The following DOP1A variants were observed in gnomAD, a reference collection of about 807,000 sequenced individuals.
DOP1A encodes the protein DOP1 leucine zipper like protein A.
Under a neutral mutation model 267.6 loss-of-function variants are expected in DOP1A, and 90 were observed. That is an observed-to-expected ratio of 0.34 (90% CI 0.28 to 0.40). DOP1A has a LOEUF of 0.40. Among genes scored for constraint, DOP1A ranks in the 10% least tolerant of loss-of-function variants. The pLI, the probability that DOP1A is intolerant of heterozygous loss-of-function variation, is 1.00. For missense variants in DOP1A, 2,437 were observed against 2,900.4 expected (o/e 0.84, Z 3.67); for synonymous variants, 932 against 999.1 (o/e 0.93, Z 1.27).
chr6:83,120,253 A>G (rs1776158138), intron 9 of DOP1A, among the ~76,000 whole-genome samples: 2 of 151,910 alleles, frequency 1.3e-5, no homozygotes, highest in African/African-American at 4.8e-5. Flanking sequence ...GAAATAGAAG[A>G]AAATACATGG....
chr6:83,138,987 C>G lies in DOP1A; in HGVS notation c.4945C>G (p.His1649Asp). ...MFLCAVIRAL[H>D]QHCACKMHPQ... is the part of the protein sequence containing the mutation. ...CCTCTGTGCAGTGATACGAGCTTTG[C>G]ATCAGCACTGTGCATGTAAGATGCA... Residue 1649 changes from histidine to aspartate, a missense_variant, in exon 21 of 39, where the codon CAT (histidine) becomes GAT (aspartate). His to Asp is a moderately conservative substitution (Grantham distance 81, BLOSUM62 -1). Coordinates refer to ENST00000349129, the MANE Select transcript of DOP1A (RefSeq NM_015018.4). The G allele has an allele frequency of 1.2e-6, 2 of 1,614,078 alleles. No individual in the cohort carries two copies. Among genetic ancestry groups the G allele is most frequent in the Non-Finnish European group, 1.7e-6 (2 of 1,179,952 alleles).
At chr6:83,100,425 C>T (rs962558856) in intron 3 of DOP1A, among the ~76,000 whole-genome samples, 1 of 152,068 alleles carries the variant, frequency 6.6e-6, no homozygotes, top group Non-Finnish European at 1.5e-5. Context: ...CAAAAAAAAT[C>T]TAAAATACCT....
chr6:83,154,384 G>A (rs1782311112), intron 33 of DOP1A, 143 bp downstream of exon 33: 1 of 695,754 alleles, frequency 1.4e-6, no homozygotes, highest in African/African-American at 1.8e-5. Flanking sequence ...TCTAGGGAAA[G>A]CACACTACTT....
At chr6:83,134,854 A>AC (rs1228710568) in intron 19 of DOP1A, among the ~76,000 whole-genome samples, 2 of 152,036 alleles carry the variant, frequency 1.3e-5, no homozygotes, top group African/African-American at 2.4e-5. Context: ...AGGTAGTCTC[A>AC]CCAGTTGGTC....
intron 12 of DOP1A, 100 bp downstream of exon 12, chr6:83,123,082 C>A (rs952034850): frequency 6.2e-6 from 8 of 1,280,978 alleles, no homozygotes; most frequent in Non-Finnish European, 8.5e-6. Flanking sequence ...TTTATACATT[C>A]TATTACTAAT....
intron 17 of DOP1A, 100 bp downstream of exon 17, chr6:83,130,497 C>T (rs1237612359): frequency 2.2e-5 from 32 of 1,422,318 alleles, no homozygotes; most frequent in Non-Finnish European, 2.6e-5. Flanking sequence ...GTTAATAAAG[C>T]TTCATTTAAA....
chr6:83,106,045 T>C (rs982857498), intron 4 of DOP1A, among the ~76,000 whole-genome samples: 3 of 152,218 alleles, frequency 2.0e-5, no homozygotes, highest in Admixed American at 6.5e-5. Flanking sequence ...ATAACTATTT[T>C]AAAAACTAAA....
intron 5 of DOP1A, 74 bp downstream of exon 5, chr6:83,109,154 T>C: frequency 7.6e-7 from 1 of 1,322,100 alleles, no homozygotes; most frequent in Non-Finnish European, 1.1e-6. Flanking sequence ...GTCAAATATG[T>C]TTTAACATCA....
At chr6:83,099,233 C>A (rs1047130986) in intron 3 of DOP1A, among the ~76,000 whole-genome samples, 2 of 152,100 alleles carry the variant, frequency 1.3e-5, no homozygotes, top group Non-Finnish European at 2.9e-5. Flanking sequence ...CAACCTGATA[C>A]GACAGATAAT....
chr6:83,135,656 G>A lies in DOP1A; in HGVS notation c.2908G>A (p.Asp970Asn), dbSNP rs1266180486. The change falls in exon 20 of 39, where the codon GAT (aspartate) becomes AAT (asparagine). Residue 970 changes from aspartate to asparagine, a missense_variant. Coordinates refer to ENST00000349129, the MANE Select transcript of DOP1A (RefSeq NM_015018.4). ...CATGTTAGATAGCCTTAACAGTCTCGATGGTTCTACTAGCTCTGTGGGACA... is the reference window on the plus strand; with the variant it reads ...CATGTTAGATAGCCTTAACAGTCTCAATGGTTCTACTAGCTCTGTGGGACA... ...FIMLDSLNSL[D>N]GSTSSVGQAW... The A allele has an allele frequency of 3.1e-6, 5 of 1,613,430 alleles. No homozygotes were observed. Among genetic ancestry groups the A allele is most frequent in the East Asian group, 2.2e-5 (1 of 44,860 alleles).
chr6:83,075,662 T>G (rs1200239237), intron 1 of DOP1A, among the ~76,000 whole-genome samples: 17 of 152,074 alleles, frequency 1.1e-4, no homozygotes, highest in Admixed American at 1.1e-3. Context: ...ATCAATGAAA[T>G]TGAATGGAGA....
At chr6:83,158,739 T>C in intron 36 of DOP1A, 117 bp downstream of exon 36, 2 of 727,190 alleles carry the variant, frequency 2.8e-6, no homozygotes, top group Non-Finnish European at 4.5e-6. Context: ...TATTATTATC[T>C]AATTGATTAC....
chr6:83,157,544 A>ATGAT (rs1227062902), intron 35 of DOP1A, among the ~76,000 whole-genome samples: 2 of 152,218 alleles, frequency 1.3e-5, no homozygotes, highest in East Asian at 3.8e-4. Context: ...CTCCTTGTGA[A>ATGAT]TGATTACTTT....
chr6:83,123,330 T>G (rs1366108977), intron 12 of DOP1A, among the ~76,000 whole-genome samples: 3 of 152,064 alleles, frequency 2.0e-5, no homozygotes, highest in Non-Finnish European at 2.9e-5. Context: ...CCACTTTGAT[T>G]AACAAAAAAC....
At chr6:83,085,894 T>C (rs1272223286) in intron 1 of DOP1A, among the ~76,000 whole-genome samples, 3 of 152,130 alleles carry the variant, frequency 2.0e-5, no homozygotes, top group Non-Finnish European at 4.4e-5. Context: ...AGGAATGACA[T>C]AATGTGTCTC....
chr6:83,133,566 A>G (rs577600412), intron 18 of DOP1A, among the ~76,000 whole-genome samples: 16 of 152,280 alleles, frequency 1.1e-4, no homozygotes, highest in Admixed American at 8.5e-4. Context: ...TACTTGATTT[A>G]TACATGTTTA....
chr6:83,138,929 G>C lies in DOP1A; in HGVS notation c.4887G>C (p.Leu1629Phe). 1 of 1,614,058 alleles carries C rather than the reference G, an allele frequency of 6.2e-7. No homozygotes were observed. The highest frequency in any genetic ancestry group is 8.5e-7 in the Non-Finnish European group (1 of 1,179,974). The change falls in exon 21 of 39, where the codon TTG becomes TTC. Residue 1629 changes from leucine to phenylalanine, a missense_variant. Coordinates refer to ENST00000349129, the MANE Select transcript of DOP1A (RefSeq NM_015018.4). Reference sequence around the variant, plus strand: ...AACCCATGACTTCTCTTCAGTATTTGCATGCTCAGCCAATCACATGTCAAG... The same window carrying C: ...AACCCATGACTTCTCTTCAGTATTTCCATGCTCAGCCAATCACATGTCAAG... Reference protein sequence around the residue: ...PHQPMTSLQYLHAQPITCQGM... With the variant: ...PHQPMTSLQYFHAQPITCQGM...
At position 83,155,310 on chromosome 6, in the gene DOP1A, A is replaced by T. The variant is rs920709673; in HGVS notation, c.6452-641A>T. ...GACCCCAGCTCTACAAAAAAAAAAA[A>T]AAAAATTAAACTGGCCAAATGTGGT... On this transcript the variant is annotated intron_variant, in intron 33 of 38. Coordinates refer to ENST00000349129, the MANE Select transcript of DOP1A (RefSeq NM_015018.4). 6.1e-3 allele frequency among the ~76,000 whole-genome samples: 934 copies of T among 152,146 alleles called. 10 individuals are homozygous for T. Among genetic ancestry groups the T allele is most frequent in the African/African-American group, 0.021 (891 of 41,486 alleles).
rs566623224 is a variant in DOP1A at position 83,114,888 on chromosome 6, T to C, written c.780+1467T>C. ...AATAATCTTATAATTCTAATACTTT[T>C]CTCCCCACTATGCTACCAAATTCTA... On this transcript the variant is annotated intron_variant, in intron 7 of 38. Coordinates refer to ENST00000349129, the MANE Select transcript of DOP1A (RefSeq NM_015018.4). Among the ~76,000 whole-genome samples, 8 of 152,304 alleles carry C rather than the reference T, an allele frequency of 5.3e-5. No individual in the cohort carries two copies. In the South Asian group the frequency reaches 1.7e-3, roughly 32 times the overall value.
Sources: gnomAD v4.1 joint callset for allele counts (sites outside exome capture counted in the v4.1 genomes callset) on GRCh38, gnomAD v4.1.1 for gene constraint, MANE v1.5 for transcripts, NCBI Gene and HGNC (gene_info 2026-07-23, HGNC 2026-07-21) for gene names.